AUTS2: variants seen among roughly 807,000 people sequenced by gnomAD.
The protein encoded by AUTS2 is activator of transcription and developmental regulator AUTS2.
In AUTS2, 17 loss-of-function variants were observed where a neutral mutation model predicts 112.4. The observed-to-expected ratio is 0.15, with a 90% CI of 0.10 to 0.23. The LOEUF (loss-of-function observed/expected upper bound fraction) is 0.23, where lower values mean the gene tolerates loss of function less well. Ranked by LOEUF, AUTS2 falls within the 10% of genes least tolerant of loss-of-function variation. The probability of loss-of-function intolerance (pLI) is 1.00; values close to 1 mark genes in which losing one functional copy is unlikely to be tolerated. For synonymous variants in AUTS2, 751 were observed against 702.7 expected (o/e 1.07, Z -1.09); for missense variants, 1,510 against 1,701.6 (o/e 0.89, Z 1.98).
At chr7:70,494,301 C>T (rs1798362778) in intron 5 of AUTS2, among the ~76,000 whole-genome samples, 1 of 151,482 alleles carries the variant, frequency 6.6e-6, no homozygotes, top group African/African-American at 2.4e-5. Context: ...TTTTTCAAAA[C>T]TACATTTATT....
intron 2 of AUTS2, among the ~76,000 whole-genome samples, chr7:69,904,252 C>A (rs1795073194): frequency 6.6e-6 from 1 of 152,204 alleles, no homozygotes; most frequent in Admixed American, 6.5e-5. Context: ...AGGCTGGTCC[C>A]TTATTTCAGC....
At chr7:70,481,267 A>G (rs1222028145) in intron 5 of AUTS2, among the ~76,000 whole-genome samples, 1 of 152,194 alleles carries the variant, frequency 6.6e-6, no homozygotes, top group Non-Finnish European at 1.5e-5. Flanking sequence ...AAGGAGCAGG[A>G]TTCTGTCTTC....
chr7:70,345,309 A>T (rs973953079), intron 4 of AUTS2, among the ~76,000 whole-genome samples: 1 of 152,214 alleles, frequency 6.6e-6, no homozygotes, highest in Non-Finnish European at 1.5e-5. Context: ...ACTTCCTATG[A>T]CAGAGTGCTT....
At chr7:69,830,351 A>G (rs1470754840) in intron 1 of AUTS2, among the ~76,000 whole-genome samples, 1 of 152,136 alleles carries the variant, frequency 6.6e-6, no homozygotes, top group East Asian at 1.9e-4. Context: ...TATACCTATG[A>G]TTACATAGGT....
chr7:70,004,715 G>GA (rs941625749), intron 2 of AUTS2, among the ~76,000 whole-genome samples: 2 of 150,992 alleles, frequency 1.3e-5, no homozygotes, highest in African/African-American at 2.4e-5. Context: ...TGAGCTGGGG[G>GA]AAAAAAAATT....
chr7:69,967,188 C>T (rs1307677446), intron 2 of AUTS2, among the ~76,000 whole-genome samples: 1 of 152,162 alleles, frequency 6.6e-6, no homozygotes. Context: ...GTGTCCTTTT[C>T]CTAGACACAG....
chr7:69,801,872 A>AG (rs1324820808), intron 1 of AUTS2, among the ~76,000 whole-genome samples: 1 of 152,162 alleles, frequency 6.6e-6, no homozygotes, highest in Non-Finnish European at 1.5e-5. Flanking sequence ...GAAGGAGGAA[A>AG]GGGGGCCAGG....
intron 5 of AUTS2, among the ~76,000 whole-genome samples, chr7:70,641,780 G>A (rs1047475758): frequency 1.3e-5 from 2 of 152,142 alleles, no homozygotes; most frequent in African/African-American, 4.8e-5. Context: ...TTCTGTGTGG[G>A]TGTTTTGTTT....
At chr7:69,789,198 T>A (rs151336336) in intron 1 of AUTS2, among the ~76,000 whole-genome samples, 69 of 152,308 alleles carry the variant, frequency 4.5e-4, no homozygotes, top group African/African-American at 1.6e-3. Context: ...GGTTTGCTTG[T>A]GTGGACAATT....
At chr7:69,733,569 ACC>A (rs200255161) in intron 1 of AUTS2, among the ~76,000 whole-genome samples, 1,825 of 152,180 alleles carry the variant, frequency 0.012, 13 homozygotes, top group Non-Finnish European at 0.021. Flanking sequence ...AGAAGAGAGC[ACC>A]CCATTGAGAT....
At chr7:69,931,369 C>T (rs973575035) in intron 2 of AUTS2, among the ~76,000 whole-genome samples, 1 of 152,220 alleles carries the variant, frequency 6.6e-6, no homozygotes, top group Non-Finnish European at 1.5e-5. Flanking sequence ...CTCTACATTA[C>T]AGTATAATCC....
intron 4 of AUTS2, among the ~76,000 whole-genome samples, chr7:70,161,636 A>C (rs1014538819): frequency 1.5e-4 from 22 of 150,596 alleles, no homozygotes; most frequent in African/African-American, 5.1e-4. Context: ...TTTAGGTCAC[A>C]AATTTGTAGA....
chr7:69,782,846 T>C (rs773563770), intron 1 of AUTS2, among the ~76,000 whole-genome samples: 1 of 152,192 alleles, frequency 6.6e-6, no homozygotes, highest in Non-Finnish European at 1.5e-5. Flanking sequence ...TTGGAAAGGC[T>C]TTGTTGAGTC....
intron 3 of AUTS2, among the ~76,000 whole-genome samples, chr7:70,132,249 C>T (rs929633418): frequency 8.7e-5 from 13 of 150,024 alleles, no homozygotes; most frequent in African/African-American, 2.5e-4. Context: ...TGCTTTCTAG[C>T]AAATGCTGAA....
At chr7:70,243,346 C>A (rs140524782) in intron 4 of AUTS2, among the ~76,000 whole-genome samples, 1 of 150,630 alleles carries the variant, frequency 6.6e-6, no homozygotes, top group East Asian at 2.0e-4. Flanking sequence ...GGGATTATGG[C>A]TTTTATGATG....
intron 2 of AUTS2, among the ~76,000 whole-genome samples, chr7:69,941,071 C>T (rs909980123): frequency 5.3e-5 from 8 of 152,278 alleles, no homozygotes; most frequent in East Asian, 1.9e-4. Flanking sequence ...TACACATGCA[C>T]GCAAGCATGT....
chr7:70,341,403 CTG>C (rs1274037866), intron 4 of AUTS2, among the ~76,000 whole-genome samples: 1 of 152,232 alleles, frequency 6.6e-6, no homozygotes, highest in African/African-American at 2.4e-5. Context: ...CCTTCTGAAA[CTG>C]TGAAAAATCA....
At chr7:70,721,968 T>C (rs1481335668) in intron 6 of AUTS2, among the ~76,000 whole-genome samples, 1 of 152,236 alleles carries the variant, frequency 6.6e-6, no homozygotes, top group African/African-American at 2.4e-5. Context: ...TAATGTTATC[T>C]AGGATATAAT....
At chr7:70,006,959 G>C (rs995299293) in intron 2 of AUTS2, among the ~76,000 whole-genome samples, 1 of 152,102 alleles carries the variant, frequency 6.6e-6, no homozygotes, top group Non-Finnish European at 1.5e-5. Flanking sequence ...TCCAGGATGG[G>C]AGTTGCTCTT....
Sources: allele counts gnomAD v4.1 joint callset (sites outside exome capture counted in the v4.1 genomes callset), GRCh38; gene constraint gnomAD v4.1.1; transcripts MANE v1.5; gene names NCBI Gene and HGNC (gene_info 2026-07-23, HGNC 2026-07-21).